The following ZNF202 variants were observed in gnomAD, a reference collection of about 807,000 sequenced individuals.
ZNF202 encodes the protein zinc finger protein with KRAB and SCAN domains 10.
In ZNF202, 22 loss-of-function variants were observed where a neutral mutation model predicts 54.5. That is an observed-to-expected ratio of 0.40 (90% CI 0.29 to 0.58). The LOEUF (loss-of-function observed/expected upper bound fraction) is 0.58, where lower values mean the gene tolerates loss of function less well. Among genes scored for constraint, ZNF202 ranks in the 20% least tolerant of loss-of-function variants. The pLI is 0.39. For synonymous variants in ZNF202, 294 were observed against 301.4 expected (o/e 0.98, Z 0.26); for missense variants, 644 against 805.5 (o/e 0.80, Z 2.43).
chr11:123,737,902 G>C (rs1861698516), intron 3 of ZNF202, among the ~76,000 whole-genome samples: 1 of 152,140 alleles, frequency 6.6e-6, no homozygotes, highest in African/African-American at 2.4e-5. Context: ...GATGAGGAGG[G>C]GTTTTGAGAG....
rs1861331745 is a variant in ZNF202, at chr11:123,729,931, G to A, written c.403-106C>T. 11 of 1,189,680 alleles carry A rather than the reference G, an allele frequency of 9.2e-6. 1 individual carries two copies. The highest frequency in any genetic ancestry group is 2.4e-4 in the Middle Eastern group (1 of 4,226). The allele number at this position is 1,189,680 out of a possible 1,614,324, so 73.7% of individuals were successfully genotyped here. A position where few individuals can be genotyped will look rare whatever the true frequency, so the allele number is the denominator to read the frequency against. ...ATGCCTAGAGAAAACACTCCCAGAG[G>A]GACCCAGACAAGGAGGGGAAACTCC... On this transcript the variant is annotated intron_variant, in intron 4 of 8. Transcript: ENST00000530393.
At chr11:123,737,907 T>A (rs1285697554) in intron 3 of ZNF202, among the ~76,000 whole-genome samples, 2 of 152,294 alleles carry the variant, frequency 1.3e-5, no homozygotes, top group African/African-American at 4.8e-5. Flanking sequence ...GGAGGGGTTT[T>A]GAGAGGAACA....
rs1591371518 is a variant in ZNF202 at position 123,725,937 on chromosome 11, C to A, written c.*60G>T. 6.5e-7 allele frequency: 1 copy of A among 1,536,494 alleles called. No homozygotes were observed. Among genetic ancestry groups the A allele is most frequent in the East Asian group, 2.3e-5 (1 of 44,258 alleles). Reference sequence around the variant, plus strand: ...TTCCCAGGCTGACAAGAGGGCTTTTCCTCTTCCTCACCTCCCTTAGGTGAG... The same window carrying A: ...TTCCCAGGCTGACAAGAGGGCTTTTACTCTTCCTCACCTCCCTTAGGTGAG... On this transcript the variant is annotated 3_prime_UTR_variant, in exon 9 of 9. Coordinates refer to ENST00000530393, the MANE Select transcript of ZNF202 (RefSeq NM_003455.4).
At position 123,727,484 on chromosome 11, in the gene ZNF202, G is replaced by A. The variant is rs905964212; in HGVS notation, c.944C>T (p.Thr315Ile). Residue 315 changes from threonine (T) to isoleucine (I), a missense_variant, in exon 8 of 9, where the codon ACC (threonine) becomes ATC (isoleucine). Thr to Ile is a moderately conservative substitution (Grantham distance 89). This residue lies in a region of ZNF202 where 536 missense variants were observed against 635.3 expected (regional missense o/e 0.84). Transcript: ENST00000530393. ...TTTTTGTCATTCCTCACCTGTGTAG[G>A]TAAAACTCAGGATTTCTGGCTCTTG... ...ETQEPEILSF[T>I]YTGDRSKDEE... is the part of the protein sequence containing the mutation. 1 of 1,614,024 alleles carries A rather than the reference G, an allele frequency of 6.2e-7. No homozygotes were observed. The highest frequency in any genetic ancestry group is 1.7e-5 in the Admixed American group (1 of 60,014).
rs35823847 is a variant in ZNF202 at position 123,725,986 on chromosome 11, TG to T, written c.*10del. The T allele has an allele frequency of 6.2e-7, 1 of 1,602,282 alleles. No individual in the cohort carries two copies. The highest frequency in any genetic ancestry group is 1.7e-5 in the Admixed American group (1 of 59,554). ...AGGGCTGAAAGCAGATCTCCTCACA[TG>T]GGGACCTAGCTAGGAGGTCTTTTCT... On this transcript the variant is annotated 3_prime_UTR_variant, in exon 9 of 9. Transcript: ENST00000530393.
At chr11:123,731,827 T>C (rs1362783710) in intron 3 of ZNF202, among the ~76,000 whole-genome samples, 1 of 152,224 alleles carries the variant, frequency 6.6e-6, no homozygotes, top group Non-Finnish European at 1.5e-5. Flanking sequence ...TCCAACTATA[T>C]TACTCAGTAT....
intron 6 of ZNF202, among the ~76,000 whole-genome samples, chr11:123,728,697 ATTCTATTTCT>A (rs1861265689): frequency 6.6e-6 from 1 of 152,068 alleles, no homozygotes; most frequent in Admixed American, 6.5e-5. Context: ...CCATACATGA[ATTCTATTTCT>A]TTTTCTCCAG....
intron 3 of ZNF202, chr11:123,739,513 G>A (rs886982210): frequency 1.2e-5 from 1 of 82,216 alleles, no homozygotes; most frequent in Non-Finnish European, 2.8e-5. Context: ...CCAGAATACA[G>A]GTGTAATATT....
rs899529143 is a variant in ZNF202 at position 123,726,579 on chromosome 11, A to G, written c.1365T>C (p.Tyr455=). The part of the protein sequence containing the change: ...KVHKMNAPYK[Y]PLNRKNLEET... ...CTTCCAAATTCTTCCGGTTTAGGGG[A>G]TATTTGTAAGGCGCGTTCATCTTGT... The change falls in exon 9 of 9, where the codon TAT becomes TAC. Residue 455 remains tyrosine, a synonymous_variant. Transcript: ENST00000530393. This position sits in a 1 kb window ranked among gnomAD's most constrained non-coding sequence, Gnocchi z 6.0. The G allele has an allele frequency of 2.8e-5, 45 of 1,614,064 alleles. No individual in the cohort carries two copies. The highest frequency in any genetic ancestry group is 3.6e-5 in the Non-Finnish European group (43 of 1,180,024).
At chr11:123,732,961 T>C (rs1191395818) in intron 3 of ZNF202, among the ~76,000 whole-genome samples, 3 of 152,118 alleles carry the variant, frequency 2.0e-5, no homozygotes, top group Non-Finnish European at 4.4e-5. Context: ...AAGGTATTCA[T>C]AGGAACTTTA....
chr11:123,733,595 T>C (rs1325645371), intron 3 of ZNF202, among the ~76,000 whole-genome samples: 1 of 152,202 alleles, frequency 6.6e-6, no homozygotes, highest in African/African-American at 2.4e-5. Context: ...TCTCCCTCTG[T>C]TGCCCAGGCT....
Position 123,726,279 on chromosome 11 carries a change from G to T in ZNF202, c.1665C>A (p.His555Gln). The T allele has an allele frequency of 6.2e-7, 1 of 1,614,220 alleles. No individual in the cohort carries two copies. Among genetic ancestry groups the T allele is most frequent in the Non-Finnish European group, 8.5e-7 (1 of 1,180,046 alleles). Residue 555 changes from histidine to glutamine, a missense_variant, in exon 9 of 9, where the codon CAC (histidine) becomes CAA (glutamine). By Grantham distance (24) the His-to-Gln change is conservative. Coordinates refer to ENST00000530393, the MANE Select transcript of ZNF202 (RefSeq NM_003455.4). This position sits in a 1 kb window ranked among gnomAD's most constrained non-coding sequence, Gnocchi z 6.0. ...GTTCCTCAGCAGCGTGCGTCTTCCGGTGCGCCAGGTACCGCCTGTGTTCAC... is the reference window on the plus strand; with the variant it reads ...GTTCCTCAGCAGCGTGCGTCTTCCGTTGCGCCAGGTACCGCCTGTGTTCAC... ...DFSEHRRYLA[H>Q]RKTHAAEELY...
chr11:123,727,445 G>C, intron 8 of ZNF202, 31 bp downstream of exon 8: 1 of 1,612,346 alleles, frequency 6.2e-7, no homozygotes, highest in South Asian at 1.1e-5. Context: ...GCTGGCTCAG[G>C]GTGGGTAACA....
intron 3 of ZNF202, among the ~76,000 whole-genome samples, chr11:123,733,157 G>A (rs906234103): frequency 6.6e-6 from 1 of 152,098 alleles, no homozygotes; most frequent in Non-Finnish European, 1.5e-5. Flanking sequence ...TACTACAGTT[G>A]CCTCACATCC....
chr11:123,737,452 G>C (rs1381679921), intron 3 of ZNF202, among the ~76,000 whole-genome samples: 1 of 151,984 alleles, frequency 6.6e-6, no homozygotes, highest in African/African-American at 2.4e-5. Flanking sequence ...CTCAAAATTT[G>C]TTACAAGAGG....
chr11:123,731,949 T>C (rs1144503), intron 3 of ZNF202, among the ~76,000 whole-genome samples: 83,493 of 151,966 alleles, frequency 0.55, 23,591 homozygotes, highest in Middle Eastern at 0.73. Context: ...AGATCCTACC[T>C]TTTCCCTGTA....
chr11:123,741,416 C>A (rs1861862444), intron 1 of ZNF202, 133 bp downstream of exon 1: 1 of 152,344 alleles, frequency 6.6e-6, no homozygotes, highest in Non-Finnish European at 1.5e-5. Flanking sequence ...CCCCAGGACA[C>A]GGCGATTTCC....
At chr11:123,732,188 A>T (rs562504319) in intron 3 of ZNF202, among the ~76,000 whole-genome samples, 4 of 152,166 alleles carry the variant, frequency 2.6e-5, no homozygotes, top group Non-Finnish European at 5.9e-5. Flanking sequence ...CTGCCTCCAA[A>T]TGTGAGCTAT....
intron 6 of ZNF202, among the ~76,000 whole-genome samples, chr11:123,728,557 C>T (rs968465691): frequency 6.6e-6 from 1 of 152,148 alleles, no homozygotes; most frequent in Non-Finnish European, 1.5e-5. Context: ...GACACTTTAA[C>T]GCTATATACA....
Sources: gnomAD v4.1 joint callset for allele counts (sites outside exome capture counted in the v4.1 genomes callset) on GRCh38, gnomAD v4.1.1 for gene constraint, gnomAD v4.1.1 regional missense constraint, Gnocchi (gnomAD v3.1) non-coding constraint, MANE v1.5 for transcripts, NCBI Gene and HGNC (gene_info 2026-07-23, HGNC 2026-07-21) for gene names.